Variants in CAPN13 observed in about 807,000 individuals in gnomAD.
CAPN13 encodes the protein calpain-13.
CAPN13 carries 90 observed loss-of-function variants against 98.4 expected under a neutral mutation model. The observed-to-expected ratio is 0.92, with a 90% CI of 0.77 to 1.09. The LOEUF is 1.09. Among genes scored for constraint, CAPN13 ranks in the 50% least tolerant of loss-of-function variants. The pLI is 0.00. For missense variants in CAPN13, 887 were observed against 841.3 expected, an observed-to-expected ratio of 1.05 and a Z score of -0.67; for synonymous variants, 330 against 305.5, an observed-to-expected ratio of 1.08 and a Z score of -0.84.
chr2:30,805,747 C>CTTTTTTTTTT lies in CAPN13; in HGVS notation c.-33+1545_-33+1554dup, dbSNP rs72100161. 9.3e-3 allele frequency among the ~76,000 whole-genome samples: 1,131 copies of CTTTTTTTTTT among 121,424 alleles called. 74 individuals carry two copies. Among genetic ancestry groups the CTTTTTTTTTT allele is most frequent in the African/African-American group, 0.03 (888 of 30,092 alleles). The allele number at this position is 121,424 out of a possible 152,430, so 79.7% of individuals were successfully genotyped here. A position where few individuals can be genotyped will look rare whatever the true frequency, so the allele number is the denominator to read the frequency against. On this transcript the variant is annotated intron_variant, in intron 1 of 22. Transcript: ENST00000295055. Reference sequence around the variant, plus strand: ...TGAGCCTCAGGGCCAGTAGGTTGGTCTTTTTTTTTTGAGACAGGGTCTTGC... The same window carrying CTTTTTTTTTT: ...TGAGCCTCAGGGCCAGTAGGTTGGTCTTTTTTTTTTTTTTTTTTTTGAGACAGGGTCTTGC...
At chr2:30,742,106 G>A in intron 14 of CAPN13, 142 bp from the exon 15 acceptor site, 1 of 974,554 alleles carries the variant, frequency 1.0e-6, no homozygotes, top group Non-Finnish European at 1.5e-6. Context: ...TGGGGAATGA[G>A]AAAACTGAAG....
intron 4 of CAPN13, among the ~76,000 whole-genome samples, chr2:30,775,032 A>G (rs1464332): frequency 0.093 from 14,184 of 152,232 alleles, 1,404 homozygotes; most frequent in East Asian, 0.44. Flanking sequence ...CAAGAGAGCA[A>G]AAGAAGTTCT....
chr2:30,804,659 A>T (rs1294897042), intron 1 of CAPN13, among the ~76,000 whole-genome samples: 1 of 152,154 alleles, frequency 6.6e-6, no homozygotes, highest in East Asian at 1.9e-4. Context: ...TGACCAAAAG[A>T]TAGAGTCCCA....
intron 8 of CAPN13, among the ~76,000 whole-genome samples, chr2:30,757,154 C>T (rs530224754): frequency 3.0e-4 from 45 of 152,352 alleles, no homozygotes; most frequent in African/African-American, 9.6e-4. Context: ...GGCGATGATG[C>T]AGCAGCTGCT....
At chr2:30,749,499 C>A (rs1462289406) in intron 11 of CAPN13, among the ~76,000 whole-genome samples, 2 of 152,128 alleles carry the variant, frequency 1.3e-5, no homozygotes, top group Non-Finnish European at 2.9e-5. Flanking sequence ...GCACTGACAC[C>A]CAAGGCTGTG....
chr2:30,766,878 C>T (rs1572844221), intron 5 of CAPN13, among the ~76,000 whole-genome samples: 1 of 152,292 alleles, frequency 6.6e-6, no homozygotes, highest in African/African-American at 2.4e-5. Flanking sequence ...TCCAGACTCC[C>T]CAGCTGCAAG....
intron 15 of CAPN13, among the ~76,000 whole-genome samples, chr2:30,739,652 G>T (rs1021250276): frequency 6.6e-6 from 1 of 152,180 alleles, no homozygotes; most frequent in Non-Finnish European, 1.5e-5. Context: ...TGCTAATGAG[G>T]AGTTCCAACT....
At position 30,745,711 on chromosome 2, in the gene CAPN13, G is replaced by A. The variant is rs141808676; in HGVS notation, c.1248+12C>T. The A allele has an allele frequency of 1.8e-3, 2,922 of 1,596,484 alleles. 7 individuals carry two copies. Among genetic ancestry groups the A allele is most frequent in the Middle Eastern group, 3.1e-3 (19 of 6,056 alleles). ...AGCAGAGGCGCAGGGCAAGGACGAC[G>A]CTGAGCCATACCTGTGAGCCAGCCT... On this transcript the variant is annotated intron_variant, in intron 12 of 22. Coordinates refer to ENST00000295055, the MANE Select transcript of CAPN13 (RefSeq NM_144575.3).
chr2:30,732,198 G>A (rs916021205), intron 20 of CAPN13, among the ~76,000 whole-genome samples: 1 of 152,204 alleles, frequency 6.6e-6, no homozygotes, highest in African/African-American at 2.4e-5. Flanking sequence ...GTTCCTGAGA[G>A]AGGGGCTGGT....
At chr2:30,767,114 G>A (rs1454414019) in intron 5 of CAPN13, among the ~76,000 whole-genome samples, 4 of 152,190 alleles carry the variant, frequency 2.6e-5, no homozygotes, top group Non-Finnish European at 4.4e-5. Context: ...AGGGAAAATC[G>A]TGCTCACCCC....
At chr2:30,760,601 A>G (rs113144389) in intron 7 of CAPN13, among the ~76,000 whole-genome samples, 22 of 152,366 alleles carry the variant, frequency 1.4e-4, no homozygotes, top group African/African-American at 5.0e-4. Context: ...TGTCCCGCCT[A>G]GAGGGAGGAT....
chr2:30,760,721 T>C (rs1482465496), intron 7 of CAPN13, among the ~76,000 whole-genome samples: 1 of 152,216 alleles, frequency 6.6e-6, no homozygotes, highest in East Asian at 1.9e-4. Flanking sequence ...CAAGTCAAGT[T>C]CGTGAGCCCT....
rs114733300 is a variant in CAPN13, at chr2:30,753,726, A to G, written c.942-528T>C. Among the ~76,000 whole-genome samples, 353 of 152,308 alleles carry G rather than the reference A, an allele frequency of 2.3e-3. 4 individuals carry two copies. The highest frequency in any genetic ancestry group is 7.7e-3 in the African/African-American group (318 of 41,564). ...TTTAGATCCATGCTCCTTTCCACAC[A>G]TGCTAATTTCCATTGAAATGCATCA... is the stretch of plus-strand genomic sequence containing the variant. On this transcript the variant is annotated intron_variant, in intron 9 of 22. Transcript: ENST00000295055.
At position 30,768,678 on chromosome 2, in the gene CAPN13, T is replaced by TTTCCTTCCTTCC. The variant is rs4021142; in HGVS notation, c.524+1623_524+1634dup. On this transcript the variant is annotated intron_variant, in intron 5 of 22. Transcript: ENST00000295055. ...TCATTTCATTTCATGAACTTTCTTT[T>TTTCCTTCCTTCC]TTCCTTCCTTCCTTCCTTCCTTCCT... Among the ~76,000 whole-genome samples the TTTCCTTCCTTCC allele has an allele frequency of 1.3e-3, 188 of 149,294 alleles. 1 individual carries two copies. The highest frequency in any genetic ancestry group is 6.8e-3 in the Middle Eastern group (2 of 292).
At position 30,802,905 on chromosome 2, in the gene CAPN13, C is replaced by T. The variant is rs764269602; in HGVS notation, c.-33+4397G>A. ...CCCCACGCCCACCTAGGGCAGGTGA[C>T]CTGGCTGAGGAAGAAGGCTTGAGGA... On this transcript the variant is annotated intron_variant, in intron 1 of 22. Transcript: ENST00000295055. Among the ~76,000 whole-genome samples the T allele has an allele frequency of 6.4e-4, 97 of 152,270 alleles. No homozygotes were observed. The Middle Eastern group carries it at 0.024, about 37-fold the overall frequency.
At chr2:30,774,455 A>G (rs1320596437) in intron 4 of CAPN13, among the ~76,000 whole-genome samples, 1 of 152,182 alleles carries the variant, frequency 6.6e-6, no homozygotes, top group Non-Finnish European at 1.5e-5. Context: ...AAAAGTAAAA[A>G]TACAGCACAG....
At chr2:30,731,488 C>A in intron 20 of CAPN13, 89 bp from the exon 21 acceptor site, 1 of 1,137,538 alleles carries the variant, frequency 8.8e-7, no homozygotes, top group Non-Finnish European at 1.2e-6. Flanking sequence ...ATAAGAAGCA[C>A]AGGAGGTGAT....
chr2:30,734,653 G>A, intron 18 of CAPN13, 129 bp from the exon 19 acceptor site: 2 of 724,502 alleles, frequency 2.8e-6, no homozygotes, highest in Non-Finnish European at 4.9e-6. Flanking sequence ...GGACTGGGAG[G>A]ACACAGTGGC....
chr2:30,730,645 GGAGA>G (rs1456474948), intron 22 of CAPN13, 81 bp downstream of exon 22: 8 of 727,958 alleles, frequency 1.1e-5, no homozygotes, highest in East Asian at 2.5e-5. Flanking sequence ...GCTCTCCCAA[GGAGA>G]GAGTCTTATG....
Sources: gnomAD v4.1 joint callset for allele counts (sites outside exome capture counted in the v4.1 genomes callset) on GRCh38, gnomAD v4.1.1 for gene constraint, MANE v1.5 for transcripts, NCBI Gene and HGNC (gene_info 2026-07-23, HGNC 2026-07-21) for gene names.